The following AGFG1 variants were observed in gnomAD, a reference collection of about 807,000 sequenced individuals.
AGFG1 encodes the protein arf-GAP domain and FG repeat-containing protein 1.
A neutral mutation model predicts 60.6 loss-of-function variants in AGFG1; 10 were observed. That is an observed-to-expected ratio of 0.16 (90% CI 0.10 to 0.28). The LOEUF (loss-of-function observed/expected upper bound fraction) is 0.28. Among genes scored for constraint, AGFG1 ranks in the 10% least tolerant of loss-of-function variants. The probability of loss-of-function intolerance (pLI) is 1.00; values close to 1 mark genes in which losing one functional copy is unlikely to be tolerated. For synonymous variants in AGFG1, 247 were observed against 242.9 expected, an observed-to-expected ratio of 1.02 and a Z score of -0.16; for missense variants, 537 against 676.5, an observed-to-expected ratio of 0.79 and a Z score of 2.29.
intron 1 of AGFG1, among the ~76,000 whole-genome samples, chr2:227,489,316 C>T (rs1000566839): frequency 4.7e-5 from 7 of 148,860 alleles, no homozygotes; most frequent in Admixed American, 2.0e-4. Context: ...CTGCAACTTC[C>T]GCCTCCTGGG....
rs541299514 is a variant in AGFG1 at position 227,538,839 on chromosome 2, A to G, written c.1378+1846A>G. ...TAAAATAATATAAAATGTACAACGTATGTGCAGATGATATAAGATAATTCT... is the reference window on the plus strand; with the variant it reads ...TAAAATAATATAAAATGTACAACGTGTGTGCAGATGATATAAGATAATTCT... On this transcript the variant is annotated intron_variant, in intron 10 of 12. Transcript: ENST00000310078. 2.0e-5 allele frequency among the ~76,000 whole-genome samples: 3 copies of G among 151,994 alleles called. No individual in the cohort carries two copies. The East Asian group carries it at 5.9e-4, about 30-fold the overall frequency.
intron 11 of AGFG1, among the ~76,000 whole-genome samples, chr2:227,552,847 C>G: frequency 6.6e-6 from 1 of 151,156 alleles, no homozygotes; most frequent in Non-Finnish European, 1.5e-5. Flanking sequence ...ACTAAAAATA[C>G]AAAATTAGCC....
chr2:227,491,416 A>G, intron 1 of AGFG1, 131 bp from the exon 2 acceptor site: 2 of 532,466 alleles, frequency 3.8e-6, no homozygotes, highest in Non-Finnish European at 6.5e-6. Context: ...ATTTAAAAAT[A>G]CTTTGAGTTT....
At chr2:227,534,147 A>G (rs929514812) in intron 7 of AGFG1, among the ~76,000 whole-genome samples, 5 of 151,696 alleles carry the variant, frequency 3.3e-5, no homozygotes, top group Admixed American at 6.6e-5. Flanking sequence ...TGGGTTTTTT[A>G]TATTTAAAAA....
At chr2:227,515,050 G>A (rs575434483) in intron 2 of AGFG1, among the ~76,000 whole-genome samples, 4 of 152,038 alleles carry the variant, frequency 2.6e-5, no homozygotes, top group Non-Finnish European at 5.9e-5. Flanking sequence ...AGCCTCCCGA[G>A]TAGCTGGGAC....
chr2:227,518,232 G>C, intron 2 of AGFG1, among the ~76,000 whole-genome samples: 2 of 152,056 alleles, frequency 1.3e-5, no homozygotes, highest in East Asian at 3.9e-4. Flanking sequence ...TCCAGTTTGG[G>C]GTTATTATCA....
chr2:227,508,890 G>A (rs1482883011), intron 2 of AGFG1, among the ~76,000 whole-genome samples: 1 of 152,098 alleles, frequency 6.6e-6, no homozygotes, highest in East Asian at 1.9e-4. Context: ...TATTATAAAT[G>A]TGGATGATCT....
chr2:227,523,638 TGA>T (rs1204559036), intron 3 of AGFG1, 123 bp from the exon 4 acceptor site: 3 of 884,468 alleles, frequency 3.4e-6, no homozygotes, highest in Non-Finnish European at 5.1e-6. Context: ...TTATTCTGTG[TGA>T]GAGGGTTTTC....
intron 10 of AGFG1, 46 bp from the exon 11 acceptor site, chr2:227,551,913 A>G: frequency 1.3e-6 from 2 of 1,586,012 alleles, no homozygotes; most frequent in Non-Finnish European, 1.7e-6. Context: ...TGAGAAACTA[A>G]ACATATCCTG....
chr2:227,537,696 G>A (rs1429673933), intron 10 of AGFG1, among the ~76,000 whole-genome samples: 2 of 152,146 alleles, frequency 1.3e-5, no homozygotes, highest in African/African-American at 2.4e-5. Context: ...TGGAATGTCA[G>A]CAGGTGCATT....
intron 10 of AGFG1, among the ~76,000 whole-genome samples, chr2:227,537,381 A>T (rs1033445667): frequency 1.3e-5 from 2 of 152,192 alleles, no homozygotes; most frequent in Non-Finnish European, 2.9e-5. Context: ...GAACCATTTT[A>T]TGAGAAGTTT....
In AGFG1 at chr2:227,472,401, T is replaced by A. The variant is rs1342243392; in HGVS notation, c.-21T>A. On this transcript the variant is annotated 5_prime_UTR_variant, in exon 1 of 13. Transcript: ENST00000310078. ...TGCCCGGCTCCCGGCCCTGCCGGCC[T>A]CCTCCCTTGGCGCCGCGGCCATGGC... 3 of 1,426,716 alleles carry A rather than the reference T, an allele frequency of 2.1e-6. No homozygotes were observed. Among genetic ancestry groups the A allele is most frequent in the African/African-American group, 1.5e-5 (1 of 66,828 alleles). The allele number at this position is 1,426,716 out of a possible 1,614,324, so 88.4% of individuals were successfully genotyped here. A position where few individuals can be genotyped will look rare whatever the true frequency, so the allele number is the denominator to read the frequency against.
rs1299582461 is a variant in AGFG1, at chr2:227,491,540, C to T, written c.168-7C>T. ...TAGTAAATTTTGTAAAATATTTTAT[C>T]TTTTAGGCGAGGATTAAATCCACCA... On this transcript the variant is annotated splice_region_variant and splice_polypyrimidine_tract_variant and intron_variant, in intron 1 of 12. Transcript: ENST00000310078. The T allele has an allele frequency of 6.6e-7, 1 of 1,514,234 alleles. No individual in the cohort carries two copies. 93.8% of individuals were successfully genotyped at this position (1,514,234 alleles called of 1,614,324 possible).
At position 227,483,766 on chromosome 2, in the gene AGFG1, T is replaced by A. The variant is rs192453725; in HGVS notation, c.168-7781T>A. Among the ~76,000 whole-genome samples the A allele has an allele frequency of 7.4e-3, 1,129 of 152,334 alleles. 9 individuals carry two copies. Among genetic ancestry groups the A allele is most frequent in the Middle Eastern group, 0.014 (4 of 294 alleles). On this transcript the variant is annotated intron_variant, in intron 1 of 12. Transcript: ENST00000310078. ...ATATGAATGGAAATGCTGTAAATGTTTATGCTCAAGTTTTTGGGTGAACGT... is the reference window on the plus strand; with the variant it reads ...ATATGAATGGAAATGCTGTAAATGTATATGCTCAAGTTTTTGGGTGAACGT...
At chr2:227,523,991 G>T (rs2106209204) in intron 4 of AGFG1, 66 bp downstream of exon 4, 2 of 1,479,268 alleles carry the variant, frequency 1.4e-6, no homozygotes, top group East Asian at 2.3e-5. Flanking sequence ...AAGAATTTGA[G>T]AATTGTTTAA....
chr2:227,536,867 A>G (rs1428201550), intron 9 of AGFG1, 34 bp from the exon 10 acceptor site: 1 of 1,574,460 alleles, frequency 6.4e-7, no homozygotes. Flanking sequence ...AAAATGTATT[A>G]GGATTTTATA....
intron 2 of AGFG1, among the ~76,000 whole-genome samples, chr2:227,519,267 A>G (rs922188727): frequency 3.9e-5 from 6 of 152,230 alleles, no homozygotes; most frequent in African/African-American, 1.4e-4. Flanking sequence ...TACATTTTAC[A>G]AATACTTTTG....
At chr2:227,499,769 G>T (rs74603278) in intron 2 of AGFG1, among the ~76,000 whole-genome samples, 1 of 152,208 alleles carries the variant, frequency 6.6e-6, no homozygotes, top group African/African-American at 2.4e-5. Flanking sequence ...GTTTGTGTTA[G>T]GGGCCTCAGG....
chr2:227,481,083 T>C (rs1015932519), intron 1 of AGFG1, among the ~76,000 whole-genome samples: 22 of 149,780 alleles, frequency 1.5e-4, no homozygotes, highest in African/African-American at 5.2e-4. Context: ...GTAGGTCTTT[T>C]GTTCAGTGTT....
Sources: gnomAD v4.1 joint callset for allele counts (sites outside exome capture counted in the v4.1 genomes callset) on GRCh38, gnomAD v4.1.1 for gene constraint, MANE v1.5 for transcripts, NCBI Gene and HGNC (gene_info 2026-07-23, HGNC 2026-07-21) for gene names.